The following ECPAS variants were observed in gnomAD, a reference collection of about 807,000 sequenced individuals.
The protein encoded by ECPAS is proteasome adapter and scaffold protein ECM29.
ECPAS carries 70 observed loss-of-function variants against 255.1 expected under a neutral mutation model. The ratio of observed to expected loss-of-function variants is 0.27; its 90% confidence interval spans 0.23 to 0.33. The LOEUF (loss-of-function observed/expected upper bound fraction) is 0.33, where lower values mean the gene tolerates loss of function less well. Among genes scored for constraint, ECPAS ranks in the 10% least tolerant of loss-of-function variants. The pLI is 1.00. For missense variants in ECPAS, 1,817 were observed against 2,206.4 expected, an observed-to-expected ratio of 0.82 and a Z score of 3.54; for synonymous variants, 784 against 775.0, an observed-to-expected ratio of 1.01 and a Z score of -0.19.
At chr9:111,478,790 TAC>T (rs1205348268) in intron 1 of ECPAS, among the ~76,000 whole-genome samples, 1 of 152,238 alleles carries the variant, frequency 6.6e-6, no homozygotes, top group Non-Finnish European at 1.5e-5. Context: ...ATCCATATCA[TAC>T]AGTCATATTT....
chr9:111,386,494 T>G (rs771240323), intron 31 of ECPAS, 38 bp from the exon 32 acceptor site: 3 of 1,199,792 alleles, frequency 2.5e-6, no homozygotes, highest in Non-Finnish European at 3.7e-6. Flanking sequence ...AAATGCAAAA[T>G]CCATCAATAA....
intron 1 of ECPAS, among the ~76,000 whole-genome samples, chr9:111,476,578 T>TC (rs2098296549): frequency 6.8e-6 from 1 of 146,114 alleles, no homozygotes; most frequent in East Asian, 2.0e-4. Flanking sequence ...ATCAGAATTT[T>TC]TTTTTTTTTT....
At chr9:111,472,520 C>G (rs566472150) in intron 2 of ECPAS, among the ~76,000 whole-genome samples, 2 of 151,812 alleles carry the variant, frequency 1.3e-5, no homozygotes, top group African/African-American at 4.8e-5. Flanking sequence ...CACCTGTAGT[C>G]CCAGCTACTC....
At chr9:111,449,186 A>T (rs1335394497) in intron 3 of ECPAS, among the ~76,000 whole-genome samples, 1 of 152,170 alleles carries the variant, frequency 6.6e-6, no homozygotes, top group Non-Finnish European at 1.5e-5. Flanking sequence ...ATATAAATTA[A>T]AACTTTACAC....
intron 24 of ECPAS, among the ~76,000 whole-genome samples, chr9:111,402,155 A>C (rs1218027016): frequency 3.3e-5 from 5 of 152,244 alleles, no homozygotes; most frequent in Non-Finnish European, 7.3e-5. Flanking sequence ...TTATAAAAGT[A>C]TTAATTTTGG....
intron 2 of ECPAS, among the ~76,000 whole-genome samples, chr9:111,457,106 T>C (rs772752452): frequency 6.6e-6 from 1 of 152,204 alleles, no homozygotes; most frequent in Non-Finnish European, 1.5e-5. Context: ...AAGATAAGAA[T>C]TGAAAAGAAT....
intron 7 of ECPAS, among the ~76,000 whole-genome samples, chr9:111,435,888 C>T (rs1189642278): frequency 6.8e-6 from 1 of 148,044 alleles, no homozygotes; most frequent in African/African-American, 2.5e-5. Context: ...CAGGGTTTCA[C>T]CATGTTAGCC....
At chr9:111,381,456 A>G (rs1225800071) in intron 35 of ECPAS, among the ~76,000 whole-genome samples, 1 of 152,238 alleles carries the variant, frequency 6.6e-6, no homozygotes, top group Non-Finnish European at 1.5e-5. Context: ...TATAATAGTA[A>G]TGCAAAGTAT....
chr9:111,429,204 A>C (rs1316744807), intron 9 of ECPAS, among the ~76,000 whole-genome samples: 2 of 152,170 alleles, frequency 1.3e-5, no homozygotes, highest in African/African-American at 4.8e-5. Flanking sequence ...CTCTTCAAGT[A>C]AAGTCATTTT....
At chr9:111,422,960 T>C (rs2098216348) in intron 13 of ECPAS, among the ~76,000 whole-genome samples, 1 of 152,164 alleles carries the variant, frequency 6.6e-6, no homozygotes, top group African/African-American at 2.4e-5. Context: ...TATGACACAA[T>C]TAAGTTCAAA....
chr9:111,480,229 T>C (rs901834335), intron 1 of ECPAS, among the ~76,000 whole-genome samples: 4 of 151,518 alleles, frequency 2.6e-5, no homozygotes, highest in South Asian at 2.1e-4. Context: ...TAGTCATAAA[T>C]GATAGAAAAT....
chr9:111,421,375 T>G (rs2098213373), intron 15 of ECPAS, among the ~76,000 whole-genome samples: 2 of 151,490 alleles, frequency 1.3e-5, no homozygotes, highest in African/African-American at 4.9e-5. Context: ...GACAAAGAAC[T>G]GACTAAAGCA....
intron 35 of ECPAS, 132 bp from the exon 36 acceptor site, chr9:111,378,862 G>A (rs980301754): frequency 1.2e-6 from 1 of 827,656 alleles, no homozygotes. Context: ...GCCTGGTCTG[G>A]GCATTACTTT....
In ECPAS at chr9:111,397,870, TG is replaced by T. The variant is rs2098169976; in HGVS notation, c.2653-718del. 2.0e-5 allele frequency among the ~76,000 whole-genome samples: 3 copies of T among 152,352 alleles called. No individual in the cohort carries two copies. The South Asian group carries it at 6.2e-4, about 32-fold the overall frequency. Reference sequence around the variant, plus strand: ...CTTTACACTATTCTTACAGCTTCACTGTAAGTTTGAAAGCATTTCAAAAGTC... The same window carrying T: ...CTTTACACTATTCTTACAGCTTCACTTAAGTTTGAAAGCATTTCAAAAGTC... On this transcript the variant is annotated intron_variant, in intron 24 of 49. Coordinates refer to ENST00000684092, the MANE Select transcript of ECPAS (RefSeq NM_001364929.1).
At chr9:111,450,224 A>C (rs1051295046) in intron 3 of ECPAS, among the ~76,000 whole-genome samples, 1 of 152,210 alleles carries the variant, frequency 6.6e-6, no homozygotes, top group Non-Finnish European at 1.5e-5. Flanking sequence ...AAGTATACAG[A>C]AATCAACTCA....
intron 2 of ECPAS, among the ~76,000 whole-genome samples, chr9:111,456,849 G>C (rs939238363): frequency 1.3e-5 from 2 of 152,214 alleles, no homozygotes; most frequent in Non-Finnish European, 2.9e-5. Context: ...GGAGAGGGAA[G>C]AGGCATGGAT....
In ECPAS at chr9:111,361,943, T is replaced by G. The variant is rs543722791; in HGVS notation, c.*87A>C. ...AATGATGCATGCTACAGATTAATCT[T>G]TACTTTTTCCCACTTGGTTTTTCAA... is the stretch of plus-strand genomic sequence containing the variant. On this transcript the variant is annotated 3_prime_UTR_variant, in exon 50 of 50. Transcript: ENST00000684092. 4 of 1,487,088 alleles carry G rather than the reference T, an allele frequency of 2.7e-6. No individual in the cohort carries two copies. The African/African-American group carries it at 5.6e-5, about 21-fold the overall frequency. The allele number at this position is 1,487,088 out of a possible 1,614,324, so 92.1% of individuals were successfully genotyped here. A position where few individuals can be genotyped will look rare whatever the true frequency, so the allele number is the denominator to read the frequency against.
chr9:111,378,709 G>C lies in ECPAS; in HGVS notation c.3825C>G (p.Ile1275Met), dbSNP rs1589122169. 2 of 1,613,398 alleles carry C rather than the reference G, an allele frequency of 1.2e-6. No individual in the cohort carries two copies. Among genetic ancestry groups the C allele is most frequent in the South Asian group, 1.1e-5 (1 of 91,000 alleles). The change falls in exon 36 of 50, where the codon ATC becomes ATG. Residue 1275 changes from isoleucine (I) to methionine (M), a missense_variant. By Grantham distance (10) the Ile-to-Met change is conservative (BLOSUM62 1). Around this residue, in one of 4 missense-constraint regions of ECPAS, gnomAD observed 960 missense variants for 1,179.0 expected, o/e 0.81. Coordinates refer to ENST00000684092, the MANE Select transcript of ECPAS (RefSeq NM_001364929.1). ...RALSINTLVK[I>M]SKSAGAMLKP... ...TCAACATGGCTCCTGCACTTTTGCT[G>C]ATCTTCACAAGGGTGTTAATGCTAC...
intron 40 of ECPAS, 38 bp from the exon 41 acceptor site, chr9:111,373,274 G>A: frequency 6.2e-7 from 1 of 1,612,628 alleles, no homozygotes; most frequent in South Asian, 1.1e-5. Flanking sequence ...CTTTATAACT[G>A]TCAAAGAGTT....
Sources: gnomAD v4.1 joint callset for allele counts (sites outside exome capture counted in the v4.1 genomes callset) on GRCh38, gnomAD v4.1.1 for gene constraint, gnomAD v4.1.1 regional missense constraint, MANE v1.5 for transcripts, NCBI Gene and HGNC (gene_info 2026-07-23, HGNC 2026-07-21) for gene names.